GNB4: variants seen among roughly 807,000 people sequenced by gnomAD.
The protein encoded by GNB4 is G protein subunit beta 4, also known as guanine nucleotide-binding protein subunit beta-4.
In GNB4, 28 loss-of-function variants were observed where a neutral mutation model predicts 45.2. That is an observed-to-expected ratio of 0.62 (90% CI 0.46 to 0.85). GNB4 has a LOEUF of 0.85. GNB4 is among the 40% of genes least tolerant of loss of function. GNB4 has a pLI of 0.00. For missense variants in GNB4, 321 were observed against 425.4 expected, an observed-to-expected ratio of 0.75 and a Z score of 2.16; for synonymous variants, 132 against 143.7, an observed-to-expected ratio of 0.92 and a Z score of 0.58.
At chr3:179,497,259 A>T in the GNB4 span, among the ~76,000 whole-genome samples, 1 of 152,138 alleles carries the variant, frequency 6.6e-6, no homozygotes, top group Non-Finnish European at 1.5e-5. Context: ...TGGAGAAAGG[A>T]TAGAATCTTT....
chr3:179,404,420 G>A (rs1185065900), intron 9 of GNB4, among the ~76,000 whole-genome samples: 2 of 152,022 alleles, frequency 1.3e-5, no homozygotes, highest in African/African-American at 4.8e-5. Flanking sequence ...TTAGAGATAT[G>A]TAAGTAAGCC....
At chr3:179,499,232 A>C in the GNB4 span, among the ~76,000 whole-genome samples, 1 of 138,868 alleles carries the variant, frequency 7.2e-6, no homozygotes, top group African/African-American at 2.7e-5. Flanking sequence ...ATCTCAGCTC[A>C]CTGCAAGCTC....
intron 1 of GNB4, among the ~76,000 whole-genome samples, chr3:179,436,633 C>T (rs1366896875): frequency 6.6e-6 from 1 of 151,710 alleles, no homozygotes; most frequent in African/African-American, 2.4e-5. Flanking sequence ...ACACACATGC[C>T]CACCCACCCC....
At chr3:179,489,046 A>AATATATATATATATATATATT in the GNB4 span, among the ~76,000 whole-genome samples, 1 of 38,764 alleles carries the variant, frequency 2.6e-5, no homozygotes, top group Non-Finnish European at 4.4e-5. Context: ...ATATATATAT[A>AATATATATATATATATATATT]ATATATATGT....
chr3:179,412,639 G>A (rs889639834), intron 8 of GNB4, among the ~76,000 whole-genome samples: 4 of 152,124 alleles, frequency 2.6e-5, no homozygotes, highest in African/African-American at 9.7e-5. Flanking sequence ...TTTCACACAG[G>A]TGCTTAATGG....
intron 1 of GNB4, among the ~76,000 whole-genome samples, chr3:179,436,938 A>G (rs757233011): frequency 6.6e-6 from 1 of 152,122 alleles, no homozygotes; most frequent in Non-Finnish European, 1.5e-5. Context: ...TCTCCAGTCT[A>G]TTTCCCTTCA....
the GNB4 span, among the ~76,000 whole-genome samples, chr3:179,477,090 T>C: frequency 6.6e-6 from 1 of 152,170 alleles, no homozygotes; most frequent in Non-Finnish European, 1.5e-5. Flanking sequence ...CTTAAAGATA[T>C]CTGAAGTGCC....
At chr3:179,433,704 C>CA (rs796319109) in intron 1 of GNB4, among the ~76,000 whole-genome samples, 355 of 133,744 alleles carry the variant, frequency 2.7e-3, no homozygotes, top group African/African-American at 5.8e-3. Flanking sequence ...AACAAAACAC[C>CA]AAAAAAAAAA....
At chr3:179,434,487 G>A (rs1325267808) in intron 1 of GNB4, among the ~76,000 whole-genome samples, 1 of 152,082 alleles carries the variant, frequency 6.6e-6, no homozygotes, top group East Asian at 1.9e-4. Flanking sequence ...TTGAGAGGCT[G>A]AGGTGGGAAG....
chr3:179,510,337 G>A, the GNB4 span, among the ~76,000 whole-genome samples: 1 of 152,118 alleles, frequency 6.6e-6, no homozygotes, highest in Non-Finnish European at 1.5e-5. Context: ...CCTCTGCTGA[G>A]CCACTGCCCT....
the GNB4 span, among the ~76,000 whole-genome samples, chr3:179,489,956 C>T: frequency 6.6e-6 from 1 of 152,292 alleles, no homozygotes; most frequent in African/African-American, 2.4e-5. Context: ...GTACTAGAAA[C>T]TCAGAATCAT....
chr3:179,504,174 A>T, the GNB4 span, among the ~76,000 whole-genome samples: 1 of 152,130 alleles, frequency 6.6e-6, no homozygotes, highest in African/African-American at 2.4e-5. Context: ...GCTTTTTTTA[A>T]AAAATGGATT....
At chr3:179,458,363 C>T in the GNB4 span, among the ~76,000 whole-genome samples, 2 of 152,126 alleles carry the variant, frequency 1.3e-5, no homozygotes, top group Admixed American at 6.5e-5. Context: ...TGATAAAGTC[C>T]GCAGTTTTTA....
At chr3:179,514,810 A>G in the GNB4 span, among the ~76,000 whole-genome samples, 327 of 152,276 alleles carry the variant, frequency 2.1e-3, no homozygotes, top group Non-Finnish European at 3.1e-3. Context: ...AAAAATTATA[A>G]TATCTGTTGT....
chr3:179,481,380 G>A, the GNB4 span, among the ~76,000 whole-genome samples: 1 of 151,944 alleles, frequency 6.6e-6, no homozygotes, highest in African/African-American at 2.4e-5. Flanking sequence ...TGTGATCAGA[G>A]CTCACTTCAG....
At chr3:179,509,694 G>A in the GNB4 span, among the ~76,000 whole-genome samples, 2 of 148,272 alleles carry the variant, frequency 1.3e-5, no homozygotes, top group Non-Finnish European at 3.0e-5. Context: ...CCCACTGGCA[G>A]CCTCTTTCTT....
intron 2 of GNB4, among the ~76,000 whole-genome samples, chr3:179,422,487 A>C (rs182584170): frequency 0.011 from 878 of 82,364 alleles, 8 homozygotes; most frequent in African/African-American, 0.044. Context: ...AAAACAAAAC[A>C]AAAAAAAGAA....
At chr3:179,449,719 A>G (rs927950251) in intron 1 of GNB4, among the ~76,000 whole-genome samples, 1 of 152,242 alleles carries the variant, frequency 6.6e-6, no homozygotes, top group African/African-American at 2.4e-5. Context: ...AAATAAGTCC[A>G]TAACAGACGC....
the GNB4 span, among the ~76,000 whole-genome samples, chr3:179,508,292 T>A: frequency 4.6e-5 from 7 of 152,086 alleles, no homozygotes; most frequent in Non-Finnish European, 7.3e-5. Context: ...TGGCTGACAT[T>A]TTCTTGTAGA....
Sources: allele counts gnomAD v4.1 joint callset (sites outside exome capture counted in the v4.1 genomes callset), GRCh38; gene constraint gnomAD v4.1.1; transcripts MANE v1.5; gene names NCBI Gene and HGNC (gene_info 2026-07-23, HGNC 2026-07-21).